Variants in CSMD1 observed in about 807,000 individuals in gnomAD.
CSMD1 encodes CUB and sushi domain-containing protein 1.
In CSMD1, 213 loss-of-function variants were observed where a neutral mutation model predicts 417.5. The ratio of observed to expected loss-of-function variants is 0.51; its 90% confidence interval spans 0.46 to 0.57. The LOEUF (loss-of-function observed/expected upper bound fraction) is 0.57. Among genes scored for constraint, CSMD1 ranks in the 20% least tolerant of loss-of-function variants. The pLI, the probability that CSMD1 is intolerant of heterozygous loss-of-function variation, is 0.00. For missense variants in CSMD1, 6,923 were observed against 4,529.7 expected, an observed-to-expected ratio of 1.53 and a Z score of -15.17; for synonymous variants, 2,862 against 1,736.8, an observed-to-expected ratio of 1.65 and a Z score of -16.11.
intron 3 of CSMD1, among the ~76,000 whole-genome samples, chr8:4,148,197 T>C (rs953352025): frequency 6.6e-6 from 1 of 151,914 alleles, no homozygotes; most frequent in South Asian, 2.1e-4. Context: ...TATAACTAAC[T>C]GTAAGTTATA....
chr8:4,654,561 T>A (rs755292313), intron 1 of CSMD1, among the ~76,000 whole-genome samples: 6 of 152,172 alleles, frequency 3.9e-5, no homozygotes, highest in Non-Finnish European at 5.9e-5. Flanking sequence ...GGGGGAGGAA[T>A]GGAGGGATGT....
At chr8:4,508,055 T>A (rs1413278187) in intron 2 of CSMD1, among the ~76,000 whole-genome samples, 2 of 146,324 alleles carry the variant, frequency 1.4e-5, no homozygotes, top group Non-Finnish European at 3.0e-5. Flanking sequence ...TAAATGAGCA[T>A]CTGGAGATTG....
chr8:3,342,972 T>C (rs1198121647), intron 23 of CSMD1, among the ~76,000 whole-genome samples: 1 of 152,150 alleles, frequency 6.6e-6, no homozygotes, highest in Non-Finnish European at 1.5e-5. Flanking sequence ...AGCCTTCATA[T>C]ATAAGCACAT....
chr8:4,304,889 A>C (rs1798161271), intron 3 of CSMD1, among the ~76,000 whole-genome samples: 1 of 152,164 alleles, frequency 6.6e-6, no homozygotes, highest in South Asian at 2.1e-4. Flanking sequence ...CTCTTAATCT[A>C]TCAAAATATA....
intron 4 of CSMD1, among the ~76,000 whole-genome samples, chr8:4,008,275 T>A (rs1191731050): frequency 6.6e-6 from 1 of 152,182 alleles, no homozygotes; most frequent in Admixed American, 6.5e-5. Context: ...TATTAAAATA[T>A]GTAATTATTA....
chr8:3,966,010 C>CAATTTTAGAA (rs1812658315), intron 5 of CSMD1, among the ~76,000 whole-genome samples: 1 of 152,072 alleles, frequency 6.6e-6, no homozygotes, highest in African/African-American at 2.4e-5. Flanking sequence ...AGCATAGATT[C>CAATTTTAGAA]AATTTTAGAA....
intron 2 of CSMD1, among the ~76,000 whole-genome samples, chr8:4,436,930 G>A (rs1348230421): frequency 6.6e-6 from 1 of 152,096 alleles, no homozygotes; most frequent in Non-Finnish European, 1.5e-5. Flanking sequence ...GATGGACACT[G>A]AGGTTGCTTC....
intron 36 of CSMD1, among the ~76,000 whole-genome samples, chr8:3,186,028 C>G (rs1006683762): frequency 3.4e-5 from 5 of 148,388 alleles, no homozygotes; most frequent in Admixed American, 3.3e-4. Context: ...TTTTTTTTCT[C>G]TTACATCTTA....
At chr8:3,653,536 T>C (rs1260049402) in intron 7 of CSMD1, among the ~76,000 whole-genome samples, 1 of 152,192 alleles carries the variant, frequency 6.6e-6, no homozygotes, top group East Asian at 1.9e-4. Flanking sequence ...CTCGAACTCC[T>C]GACCTCAAGT....
At chr8:3,746,682 C>T (rs1461648853) in intron 6 of CSMD1, among the ~76,000 whole-genome samples, 1 of 152,120 alleles carries the variant, frequency 6.6e-6, no homozygotes. Flanking sequence ...AAGAAATTAT[C>T]CCCAATATCT....
intron 41 of CSMD1, among the ~76,000 whole-genome samples, chr8:3,133,964 G>A (rs1190013332): frequency 1.3e-5 from 2 of 152,150 alleles, no homozygotes; most frequent in South Asian, 2.1e-4. Context: ...CGGATCATGA[G>A]GTCAGGAGAT....
intron 2 of CSMD1, among the ~76,000 whole-genome samples, chr8:4,626,159 G>C (rs373208278): frequency 3.5e-4 from 53 of 152,226 alleles, no homozygotes; most frequent in African/African-American, 1.2e-3. Context: ...AGCTATTTTA[G>C]GAAGTTTTCA....
At chr8:3,528,433 C>G (rs1224467216) in intron 10 of CSMD1, among the ~76,000 whole-genome samples, 1 of 152,210 alleles carries the variant, frequency 6.6e-6, no homozygotes, top group Admixed American at 6.5e-5. Context: ...GTATGCAAGT[C>G]TAGCCATGCC....
chr8:3,300,359 G>A (rs62504387), intron 25 of CSMD1, among the ~76,000 whole-genome samples: 2 of 119,642 alleles, frequency 1.7e-5, no homozygotes, highest in South Asian at 2.3e-4. Context: ...CTACATTTAG[G>A]GGTTTTTTTT....
intron 5 of CSMD1, among the ~76,000 whole-genome samples, chr8:3,974,934 C>A (rs546428230): frequency 3.3e-5 from 5 of 152,156 alleles, no homozygotes; most frequent in African/African-American, 9.6e-5. Context: ...TTGATTACTT[C>A]GAACAAATCA....
intron 5 of CSMD1, among the ~76,000 whole-genome samples, chr8:3,996,995 C>T (rs530952023): frequency 6.6e-6 from 1 of 152,318 alleles, no homozygotes; most frequent in South Asian, 2.1e-4. Flanking sequence ...CACAATCACT[C>T]ATTCCATATT....
At chr8:3,194,439 TATTTTATTTTATTTTATTTTATTTC>T (rs1796589251) in intron 33 of CSMD1, among the ~76,000 whole-genome samples, 1 of 143,694 alleles carries the variant, frequency 7.0e-6, no homozygotes, top group African/African-American at 2.8e-5. Context: ...TATTTTATTT[TATTTTATTTTATTTTATTTTATTTC>T]ATTTCATTTT....
intron 17 of CSMD1, among the ~76,000 whole-genome samples, chr8:3,395,345 G>T (rs1811620274): frequency 6.6e-6 from 1 of 152,134 alleles, no homozygotes; most frequent in South Asian, 2.1e-4. Context: ...TGAGGGAAGT[G>T]TTTTCAAACA....
At chr8:4,890,674 G>A (rs1272761470) in intron 1 of CSMD1, among the ~76,000 whole-genome samples, 3 of 152,236 alleles carry the variant, frequency 2.0e-5, no homozygotes, top group South Asian at 2.1e-4. Context: ...GTGTGACTCC[G>A]ACACCCTCCC....
Sources: allele counts gnomAD v4.1 joint callset (sites outside exome capture counted in the v4.1 genomes callset), GRCh38; gene constraint gnomAD v4.1.1; transcripts MANE v1.5; gene names NCBI Gene and HGNC (gene_info 2026-07-23, HGNC 2026-07-21).